KIF5C: variants seen among roughly 807,000 people sequenced by gnomAD.
KIF5C encodes the protein kinesin heavy chain isoform 5C.
A neutral mutation model predicts 125.2 loss-of-function variants in KIF5C; 18 were observed. That is an observed-to-expected ratio of 0.14 (90% CI 0.10 to 0.21). The LOEUF (loss-of-function observed/expected upper bound fraction) is 0.21. Among genes scored for constraint, KIF5C ranks in the 10% least tolerant of loss-of-function variants. The pLI is 1.00. For synonymous variants in KIF5C, 405 were observed against 434.0 expected, an observed-to-expected ratio of 0.93 and a Z score of 0.83; for missense variants, 780 against 1,183.8, an observed-to-expected ratio of 0.66 and a Z score of 5.01.
intron 8 of KIF5C, chr2:148,947,899 C>T (rs775242403): frequency 2.2e-6 from 1 of 456,604 alleles, no homozygotes; most frequent in African/African-American, 2.0e-5. Context: ...TATGATTGAT[C>T]CCCACTTATT....
At chr2:148,932,373 G>A (rs1335804195) in intron 3 of KIF5C, among the ~76,000 whole-genome samples, 1 of 152,198 alleles carries the variant, frequency 6.6e-6, no homozygotes. Context: ...GGAACAAACA[G>A]ACAAGCCTAC....
At chr2:148,893,536 C>T (rs73007579) in intron 1 of KIF5C, among the ~76,000 whole-genome samples, 2 of 152,296 alleles carry the variant, frequency 1.3e-5, no homozygotes, top group South Asian at 2.1e-4. Context: ...CCCTCTTCTT[C>T]GAGTGCCATT....
chr2:148,962,294 T>C (rs1413101517), intron 11 of KIF5C, among the ~76,000 whole-genome samples, 175 bp downstream of exon 11: 1 of 151,670 alleles, frequency 6.6e-6, no homozygotes, highest in East Asian at 1.9e-4. Context: ...GCCTCCCGAG[T>C]AGCTGGGATT....
chr2:148,891,510 A>G (rs1412735448), intron 1 of KIF5C, among the ~76,000 whole-genome samples: 7 of 152,180 alleles, frequency 4.6e-5, no homozygotes, highest in Admixed American at 4.6e-4. Flanking sequence ...AACTGCAGAC[A>G]ATGTATGTAT....
At chr2:148,929,451 G>C in intron 3 of KIF5C, 97 bp downstream of exon 3, 2 of 714,278 alleles carry the variant, frequency 2.8e-6, no homozygotes. Context: ...TTCTTTACTG[G>C]GAAATAGAGA....
intron 2 of KIF5C, among the ~76,000 whole-genome samples, chr2:148,925,989 TG>T (rs1168720130): frequency 6.6e-6 from 1 of 152,088 alleles, no homozygotes; most frequent in African/African-American, 2.4e-5. Flanking sequence ...CCTACCTGAG[TG>T]GTTTGGTGAC....
intron 3 of KIF5C, among the ~76,000 whole-genome samples, chr2:148,932,544 A>G (rs977075084): frequency 6.6e-6 from 1 of 152,192 alleles, no homozygotes; most frequent in African/African-American, 2.4e-5. Flanking sequence ...GCTGGGGAGG[A>G]CACAGGGGGT....
chr2:148,982,944 C>T (rs965197975), intron 14 of KIF5C, among the ~76,000 whole-genome samples: 28 of 152,076 alleles, frequency 1.8e-4, no homozygotes, highest in Admixed American at 1.6e-3. Flanking sequence ...AGAATACATA[C>T]CTTTTGGCAA....
At chr2:148,927,557 T>C (rs1252222539) in intron 2 of KIF5C, among the ~76,000 whole-genome samples, 1 of 152,060 alleles carries the variant, frequency 6.6e-6, no homozygotes. Context: ...TTCGAATAAA[T>C]GGAAACTGTG....
At chr2:148,970,261 G>T (rs897302724) in intron 11 of KIF5C, among the ~76,000 whole-genome samples, 1 of 152,024 alleles carries the variant, frequency 6.6e-6, no homozygotes, top group Non-Finnish European at 1.5e-5. Flanking sequence ...TAAAATTATC[G>T]TAAAGATCTC....
intron 1 of KIF5C, among the ~76,000 whole-genome samples, chr2:148,905,368 AAAG>A (rs1428273919): frequency 6.6e-6 from 1 of 152,174 alleles, no homozygotes; most frequent in African/African-American, 2.4e-5. Context: ...TGGAGAAATT[AAAG>A]AAGGGGAGAA....
chr2:149,000,286 T>C, intron 19 of KIF5C, 137 bp from the exon 20 acceptor site: 1 of 1,076,336 alleles, frequency 9.3e-7, no homozygotes, highest in East Asian at 2.6e-5. Context: ...GGCTGTTCTG[T>C]GATCCCTCCA....
At chr2:149,013,366 G>A (rs765829180) in intron 25 of KIF5C, among the ~76,000 whole-genome samples, 3 of 152,194 alleles carry the variant, frequency 2.0e-5, no homozygotes, top group Admixed American at 6.5e-5. Context: ...AAAAGCAGCC[G>A]TCCTGAATGA....
chr2:148,943,202 G>T (rs1352085717), intron 7 of KIF5C, among the ~76,000 whole-genome samples: 1 of 152,162 alleles, frequency 6.6e-6, no homozygotes, highest in African/African-American at 2.4e-5. Context: ...TCTGCCTTCT[G>T]TAAAAAAGAA....
At chr2:148,893,799 A>G (rs530229751) in intron 1 of KIF5C, among the ~76,000 whole-genome samples, 1 of 152,320 alleles carries the variant, frequency 6.6e-6, no homozygotes, top group South Asian at 2.1e-4. Flanking sequence ...CATTTTCATG[A>G]TTATTTTTAG....
At chr2:149,019,982 A>C (rs1682484052) in intron 25 of KIF5C, among the ~76,000 whole-genome samples, 2 of 152,154 alleles carry the variant, frequency 1.3e-5, no homozygotes, top group South Asian at 2.1e-4. Context: ...GTCCTAGAGC[A>C]GGTCAGTTGG....
chr2:149,006,284 C>T (rs1209562053), intron 22 of KIF5C, among the ~76,000 whole-genome samples: 2 of 151,866 alleles, frequency 1.3e-5, no homozygotes, highest in African/African-American at 4.8e-5. Context: ...AAGATAGAGT[C>T]GGGTCTGAGA....
chr2:149,014,055 A>G (rs1682289133), intron 25 of KIF5C, among the ~76,000 whole-genome samples: 1 of 151,666 alleles, frequency 6.6e-6, no homozygotes, highest in African/African-American at 2.4e-5. Context: ...ATGGAGTTTC[A>G]CTCTTGTTGC....
chr2:148,991,796 C>T (rs983982261), intron 16 of KIF5C, among the ~76,000 whole-genome samples: 1 of 152,184 alleles, frequency 6.6e-6, no homozygotes, highest in African/African-American at 2.4e-5. Context: ...TGTGTGTGAA[C>T]CCAAAACCCA....
Sources: gnomAD v4.1 joint callset for allele counts (sites outside exome capture counted in the v4.1 genomes callset) on GRCh38, gnomAD v4.1.1 for gene constraint, MANE v1.5 for transcripts, NCBI Gene and HGNC (gene_info 2026-07-23, HGNC 2026-07-21) for gene names.